The following ING5 variants were observed in gnomAD, a reference collection of about 807,000 sequenced individuals.
ING5 encodes the protein inhibitor of growth protein 5.
ING5 carries 17 observed loss-of-function variants against 37.4 expected under a neutral mutation model. The observed-to-expected ratio is 0.45, with a 90% CI of 0.31 to 0.68. The LOEUF is 0.68. Ranked by LOEUF, ING5 falls within the 30% of genes least tolerant of loss-of-function variation. ING5 has a pLI of 0.05. For synonymous variants in ING5, 123 were observed against 116.6 expected (o/e 1.06, Z -0.36); for missense variants, 233 against 311.9 (o/e 0.75, Z 1.91).
At chr2:241,717,741 T>A (rs2070315542) in intron 5 of ING5, among the ~76,000 whole-genome samples, 1 of 152,022 alleles carries the variant, frequency 6.6e-6, no homozygotes, top group East Asian at 1.9e-4. Context: ...CACTGGCTCT[T>A]AACAGTTTGG....
chr2:241,692,784 C>G (rs759380851), intron 2 of ING5, among the ~76,000 whole-genome samples: 1 of 152,092 alleles, frequency 6.6e-6, no homozygotes, highest in Non-Finnish European at 1.5e-5. Flanking sequence ...CCTTAAAAAC[C>G]TTAGCTCAGA....
chr2:241,719,914 C>G, intron 5 of ING5: 1 of 1,312,302 alleles, frequency 7.6e-7, no homozygotes, highest in Non-Finnish European at 9.7e-7. Context: ...GCGACAGTTG[C>G]GGGGCCCTGC....
chr2:241,713,058 C>CTTTTTT (rs112809236), intron 5 of ING5, among the ~76,000 whole-genome samples: 1 of 136,476 alleles, frequency 7.3e-6, no homozygotes, highest in African/African-American at 2.7e-5. Flanking sequence ...GGACAATTTT[C>CTTTTTT]TTTTTTTTTT....
intron 5 of ING5, 177 bp from the exon 6 acceptor site, chr2:241,722,762 G>C: frequency 1.0e-6 from 1 of 985,418 alleles, no homozygotes. Context: ...AAAAATGGAA[G>C]CAAGCTTATT....
upstream of ING5, among the ~76,000 whole-genome samples, chr2:241,698,500 T>A (rs1394164404): frequency 9.0e-5 from 1 of 11,164 alleles, no homozygotes; most frequent in East Asian, 7.9e-4. Context: ...TAGAGGAGTG[T>A]GTGTGTGTGT....
At chr2:241,704,952 C>A (rs1026867056) in intron 2 of ING5, among the ~76,000 whole-genome samples, 1 of 152,242 alleles carries the variant, frequency 6.6e-6, no homozygotes, top group Non-Finnish European at 1.5e-5. Flanking sequence ...TTATAACCAT[C>A]ACCCTTTCCA....
chr2:241,711,230 T>C (rs755024111), intron 3 of ING5, 147 bp from the exon 4 acceptor site: 101 of 474,468 alleles, frequency 2.1e-4, no homozygotes, highest in Non-Finnish European at 3.4e-4. Context: ...GACTTTGAAA[T>C]AGTGGGCCTT....
chr2:241,701,544 C>T (rs139643016), upstream of ING5, among the ~76,000 whole-genome samples: 2 of 151,852 alleles, frequency 1.3e-5, no homozygotes, highest in Non-Finnish European at 2.9e-5. Context: ...GCCCTCGGCT[C>T]AGGCCGGGCT....
chr2:241,702,439 C>T (rs1346026733), intron 1 of ING5, among the ~76,000 whole-genome samples: 3 of 151,982 alleles, frequency 2.0e-5, no homozygotes, highest in Non-Finnish European at 4.4e-5. Flanking sequence ...TCTCCGCCCC[C>T]AGCTCCGGCC....
upstream of ING5, among the ~76,000 whole-genome samples, chr2:241,698,678 AT>A (rs2069668463): frequency 6.6e-6 from 1 of 152,174 alleles, no homozygotes; most frequent in Admixed American, 6.6e-5. Context: ...GAACAAGGCA[AT>A]CACAGTCCTG....
At chr2:241,704,627 A>G (rs777700758) in intron 1 of ING5, 26 bp from the exon 2 acceptor site, 40 of 1,603,762 alleles carry the variant, frequency 2.5e-5, no homozygotes, top group Non-Finnish European at 2.5e-5. Flanking sequence ...TGAGAGGTAC[A>G]TGGCTTCTGT....
chr2:241,697,679 G>GGGGGAGAGGGATGAATC, upstream of ING5, among the ~76,000 whole-genome samples: 1 of 152,168 alleles, frequency 6.6e-6, no homozygotes, highest in Admixed American at 6.6e-5. Context: ...GGCCTCGGGA[G>GGGGGAGAGGGATGAATC]GGGGAGAGGG....
chr2:241,725,194 G>C lies in ING5; in HGVS notation c.*163G>C. The C allele has an allele frequency of 2.6e-6, 2 of 766,252 alleles. No homozygotes were observed. The highest frequency in any genetic ancestry group is 1.7e-5 in the South Asian group (1 of 60,264). 47.5% of individuals were successfully genotyped at this position (766,252 alleles called of 1,614,324 possible). On this transcript the variant is annotated 3_prime_UTR_variant, in exon 8 of 8. Coordinates refer to ENST00000313552, the MANE Select transcript of ING5 (RefSeq NM_032329.6). ...CCTAGAACAAGAACCACCAAAGCCTGTTCGCACAGAAGGGCGACCTTGCAG... is the reference window on the plus strand; with the variant it reads ...CCTAGAACAAGAACCACCAAAGCCTCTTCGCACAGAAGGGCGACCTTGCAG...
chr2:241,698,086 A>AAAG (rs2124860720), upstream of ING5, among the ~76,000 whole-genome samples: 1 of 151,350 alleles, frequency 6.6e-6, no homozygotes. Context: ...CCATCTCAAA[A>AAAG]AAAAAAAAAA....
At chr2:241,711,321 G>T (rs892286714) in intron 3 of ING5, 56 bp from the exon 4 acceptor site, 7 of 1,228,840 alleles carry the variant, frequency 5.7e-6, no homozygotes, top group Non-Finnish European at 7.7e-6. Flanking sequence ...GTACATTCGT[G>T]ATTCTGAGGT....
intron 5 of ING5, chr2:241,719,587 T>G: frequency 6.5e-7 from 1 of 1,536,108 alleles, no homozygotes; most frequent in Non-Finnish European, 8.7e-7. Context: ...CCTGGTCTCT[T>G]CCTCACCCAG....
intron 2 of ING5, among the ~76,000 whole-genome samples, chr2:241,691,043 A>G (rs1245073956): frequency 6.6e-6 from 1 of 151,118 alleles, no homozygotes; most frequent in Non-Finnish European, 1.5e-5. Context: ...TCCTGACCTC[A>G]GGTGAGTCCA....
At chr2:241,712,714 T>C (rs561295072) in intron 5 of ING5, among the ~76,000 whole-genome samples, 2 of 152,210 alleles carry the variant, frequency 1.3e-5, no homozygotes, top group Non-Finnish European at 2.9e-5. Flanking sequence ...GTGGAGATGA[T>C]CTCACAGAGG....
At chr2:241,696,248 G>A (rs1034409041) in intron 2 of ING5, among the ~76,000 whole-genome samples, 4 of 151,732 alleles carry the variant, frequency 2.6e-5, no homozygotes, top group Admixed American at 6.6e-5. Context: ...AAAATTAGCC[G>A]GGTGTGGTGG....
Sources: allele counts gnomAD v4.1 joint callset (sites outside exome capture counted in the v4.1 genomes callset), GRCh38; gene constraint gnomAD v4.1.1; transcripts MANE v1.5; gene names NCBI Gene and HGNC (gene_info 2026-07-23, HGNC 2026-07-21).